Variants in NCKAP5 observed in about 807,000 individuals in gnomAD.
NCKAP5 encodes NCK associated protein 5, also known as nck-associated protein 5.
NCKAP5 carries 92 observed loss-of-function variants against 167.0 expected under a neutral mutation model. The ratio of observed to expected loss-of-function variants is 0.55; its 90% CI spans 0.47 to 0.66. The LOEUF is 0.66. Among genes scored for constraint, NCKAP5 ranks in the 30% least tolerant of loss-of-function variants. The pLI is 0.00. For missense variants in NCKAP5, 2,378 were observed against 2,315.0 expected (o/e 1.03, Z -0.56); for synonymous variants, 891 against 877.4 (o/e 1.02, Z -0.27).
rs1196705512 is a variant in NCKAP5, at chr2:132,881,447, T to A, written c.580-2531A>T. Among the ~76,000 whole-genome samples the A allele has an allele frequency of 3.3e-5, 5 of 152,148 alleles. No homozygotes were observed. The East Asian group carries it at 9.6e-4, about 29-fold the overall frequency. ...GCCTCGGCCTCCCAAAGTGCTGGGATTACAGACATGAGCCATTGCACCCGG... is the reference window on the plus strand; with the variant it reads ...GCCTCGGCCTCCCAAAGTGCTGGGAATACAGACATGAGCCATTGCACCCGG... On this transcript the variant is annotated intron_variant, in intron 8 of 19. Transcript: ENST00000409261.
At chr2:133,392,289 T>C (rs1303829585) in intron 3 of NCKAP5, among the ~76,000 whole-genome samples, 2 of 152,186 alleles carry the variant, frequency 1.3e-5, no homozygotes, top group Non-Finnish European at 2.9e-5. Flanking sequence ...CATAACATGC[T>C]GTAAATTAAG....
At chr2:132,970,567 C>G (rs563529714) in intron 7 of NCKAP5, among the ~76,000 whole-genome samples, 14 of 152,154 alleles carry the variant, frequency 9.2e-5, no homozygotes, top group Non-Finnish European at 1.9e-4. Flanking sequence ...TCAACAAATA[C>G]CAGCTAGAAC....
At chr2:132,866,464 A>T (rs1013715057) in intron 10 of NCKAP5, among the ~76,000 whole-genome samples, 1 of 152,202 alleles carries the variant, frequency 6.6e-6, no homozygotes, top group Non-Finnish European at 1.5e-5. Context: ...CTAAAGGGGT[A>T]CAGTCCATTC....
At chr2:132,774,884 T>A (rs1682412358) in intron 15 of NCKAP5, among the ~76,000 whole-genome samples, 1 of 152,188 alleles carries the variant, frequency 6.6e-6, no homozygotes, top group African/African-American at 2.4e-5. Context: ...AGAAGGTAAT[T>A]GTCAAAATGG....
intron 4 of NCKAP5, among the ~76,000 whole-genome samples, chr2:133,264,226 A>T (rs774189880): frequency 1.3e-5 from 2 of 152,226 alleles, no homozygotes. Context: ...TTAAAGCTCC[A>T]TCAGCTGTTA....
At chr2:133,616,325 G>C in the NCKAP5 span, among the ~76,000 whole-genome samples, 3 of 151,224 alleles carry the variant, frequency 2.0e-5, no homozygotes, top group Admixed American at 6.6e-5. Flanking sequence ...AGGAAATAGA[G>C]ACACAAAAAA....
At chr2:133,458,205 C>T (rs978331306) in intron 3 of NCKAP5, among the ~76,000 whole-genome samples, 3 of 152,086 alleles carry the variant, frequency 2.0e-5, no homozygotes, top group African/African-American at 7.2e-5. Flanking sequence ...GCTAGAGTAA[C>T]GTTTACTGGA....
At chr2:132,906,140 T>C (rs1693993058) in intron 8 of NCKAP5, among the ~76,000 whole-genome samples, 1 of 152,212 alleles carries the variant, frequency 6.6e-6, no homozygotes, top group South Asian at 2.1e-4. Context: ...TGAAAGACTA[T>C]TGATCTATTA....
intron 16 of NCKAP5, among the ~76,000 whole-genome samples, chr2:132,769,893 T>C (rs769469058): frequency 6.6e-6 from 1 of 152,222 alleles, no homozygotes. Flanking sequence ...GCCACAAGCA[T>C]GAGGACAAAA....
intron 3 of NCKAP5, among the ~76,000 whole-genome samples, chr2:133,429,897 A>C (rs1157306039): frequency 1.3e-5 from 2 of 152,088 alleles, no homozygotes; most frequent in Admixed American, 1.3e-4. Flanking sequence ...GAACTCTCCA[A>C]ACTGCTTTCC....
At chr2:132,856,317 C>T (rs937892482) in intron 11 of NCKAP5, among the ~76,000 whole-genome samples, 10 of 151,718 alleles carry the variant, frequency 6.6e-5, no homozygotes, top group African/African-American at 1.9e-4. Flanking sequence ...TAGATTTACA[C>T]TGAAAATAAA....
At position 132,783,977 on chromosome 2, in the gene NCKAP5, T is replaced by C. The variant is rs1027664332; in HGVS notation, c.2834A>G (p.Tyr945Cys). 3.1e-6 allele frequency: 5 copies of C among 1,596,492 alleles called. No individual in the cohort carries two copies. In the East Asian group the frequency reaches 8.9e-5, roughly 29 times the overall value. ...GGATGAAGGTGCTGGTGAATAGTCA[T>C]AGCTGGGCCTGGCCAGCAGGGAGAC... is the stretch of plus-strand genomic sequence containing the variant. ...RSVSLLARPSYDYSPAPSSTK... is the reference protein window; with the variant it reads ...RSVSLLARPSCDYSPAPSSTK... Residue 945 changes from tyrosine to cysteine, a missense_variant, in exon 14 of 20, where the codon TAT becomes TGT. By Grantham distance (194) the Tyr-to-Cys change is radical (BLOSUM62 -2). Coordinates refer to ENST00000409261, the MANE Select transcript of NCKAP5 (RefSeq NM_207363.3).
At chr2:133,238,053 C>A (rs1382277782) in intron 4 of NCKAP5, among the ~76,000 whole-genome samples, 1 of 152,152 alleles carries the variant, frequency 6.6e-6, no homozygotes, top group Non-Finnish European at 1.5e-5. Context: ...CGCTCTCATG[C>A]AAAAGAGAAC....
In NCKAP5 at chr2:133,434,071, T is replaced by C. The variant is rs187601926; in HGVS notation, c.69+83387A>G. On this transcript the variant is annotated intron_variant, in intron 3 of 19. Coordinates refer to ENST00000409261, the MANE Select transcript of NCKAP5 (RefSeq NM_207363.3). ...TCCAGAACAAAGCATTCTCTCATTG[T>C]TCCAGACACTCATTGCTTAAATACT... 6.9e-4 allele frequency among the ~76,000 whole-genome samples: 105 copies of C among 152,314 alleles called. 1 individual carries two copies. Among genetic ancestry groups the C allele is most frequent in the African/African-American group, 2.5e-3 (105 of 41,576 alleles).
At chr2:133,243,866 T>C (rs2087847379) in intron 4 of NCKAP5, among the ~76,000 whole-genome samples, 1 of 152,232 alleles carries the variant, frequency 6.6e-6, no homozygotes, top group African/African-American at 2.4e-5. Context: ...TTCCCATCAC[T>C]TGTAACGTGT....
intron 10 of NCKAP5, among the ~76,000 whole-genome samples, chr2:132,862,632 C>A (rs1182415954): frequency 6.6e-6 from 1 of 151,914 alleles, no homozygotes; most frequent in East Asian, 2.0e-4. Context: ...CAAGTGTGCA[C>A]GCCTGTAGTC....
At chr2:133,196,453 C>A (rs1289369569) in intron 5 of NCKAP5, among the ~76,000 whole-genome samples, 2 of 152,192 alleles carry the variant, frequency 1.3e-5, no homozygotes, top group Non-Finnish European at 2.9e-5. Context: ...TTGACATCTT[C>A]ACTGAATATA....
At chr2:133,475,262 A>T (rs1679779841) in intron 3 of NCKAP5, among the ~76,000 whole-genome samples, 1 of 152,210 alleles carries the variant, frequency 6.6e-6, no homozygotes, top group African/African-American at 2.4e-5. Context: ...GCTACTCCTT[A>T]TTCAAGACCA....
chr2:132,990,371 G>A (rs535049826), intron 7 of NCKAP5, among the ~76,000 whole-genome samples: 1 of 152,300 alleles, frequency 6.6e-6, no homozygotes, highest in African/African-American at 2.4e-5. Flanking sequence ...CCTGTGTCAG[G>A]CATCTTTGCA....
Sources: allele counts gnomAD v4.1 joint callset (sites outside exome capture counted in the v4.1 genomes callset), GRCh38; gene constraint gnomAD v4.1.1; transcripts MANE v1.5; gene names NCBI Gene and HGNC (gene_info 2026-07-23, HGNC 2026-07-21).